Variants in HS6ST2 observed in about 807,000 individuals in gnomAD.
HS6ST2 encodes the protein heparan sulfate 6-O-sulfotransferase 2.
In HS6ST2, 17 loss-of-function variants were observed where a neutral mutation model predicts 33.0. The ratio of observed to expected loss-of-function variants is 0.52; its 90% CI spans 0.35 to 0.77. HS6ST2 has a LOEUF of 0.77. HS6ST2 is among the 30% of genes least tolerant of loss of function. HS6ST2 has a pLI of 0.01. For synonymous variants in HS6ST2, 248 were observed against 237.1 expected (o/e 1.05, Z -0.42); for missense variants, 519 against 551.7 (o/e 0.94, Z 0.59).
At chrX:132,723,157 G>A (rs1057384702) in intron 2 of HS6ST2, among the ~76,000 whole-genome samples, 25 of 111,180 alleles carry the variant, frequency 2.2e-4, no homozygotes, top group African/African-American at 8.2e-4. Context: ...CAGACCAATA[G>A]CAAGTCATGA....
chrX:132,832,932 C>T (rs1404776854), intron 2 of HS6ST2, among the ~76,000 whole-genome samples: 1 of 111,615 alleles, frequency 9.0e-6, no homozygotes, highest in South Asian at 3.8e-4. Flanking sequence ...TCATCACTCC[C>T]AGAACAAACC....
At chrX:132,837,147 T>C (rs1330882565) in intron 2 of HS6ST2, among the ~76,000 whole-genome samples, 1 of 112,032 alleles carries the variant, frequency 8.9e-6, no homozygotes, top group East Asian at 2.8e-4. Flanking sequence ...AGCAATTTAC[T>C]TGTTACTGCT....
Position 132,795,226 on chromosome X carries a change from T to C in HS6ST2, c.948-86732A>G, listed in dbSNP as rs952155514. Among the ~76,000 whole-genome samples, 3 of 112,136 alleles carry C rather than the reference T, an allele frequency of 2.7e-5. No homozygotes were observed. The Admixed American group carries it at 2.8e-4, about 11-fold the overall frequency. On this transcript the variant is annotated intron_variant, in intron 2 of 4. Transcript: ENST00000370833. ...TGCTTTCTGTTTCTATGGATTTGCC[T>C]ATTCTGATATTTCATATAAATGGAA...
chrX:132,655,012 T>C (rs1306775432), intron 4 of HS6ST2, among the ~76,000 whole-genome samples: 2 of 112,273 alleles, frequency 1.8e-5, no homozygotes, highest in African/African-American at 3.2e-5. Flanking sequence ...TTGTTCCTTG[T>C]ATTCTAGTTA....
intron 3 of HS6ST2, among the ~76,000 whole-genome samples, chrX:132,680,520 C>T (rs2063961255): frequency 9.0e-6 from 1 of 111,242 alleles, no homozygotes; most frequent in Non-Finnish European, 1.9e-5. Flanking sequence ...GTAGTTCAAA[C>T]CTTTAGAAGA....
intron 2 of HS6ST2, among the ~76,000 whole-genome samples, chrX:132,929,767 T>C (rs1388033706): frequency 9.0e-6 from 1 of 111,638 alleles, no homozygotes; most frequent in Non-Finnish European, 1.9e-5. Context: ...CAGTTATAGT[T>C]AGAAACTTCG....
At chrX:132,660,683 T>A (rs2063764893) in intron 4 of HS6ST2, among the ~76,000 whole-genome samples, 1 of 111,772 alleles carries the variant, frequency 8.9e-6, no homozygotes, top group South Asian at 3.8e-4. Flanking sequence ...CAAAATAGCA[T>A]CTTCGGAGGA....
intron 2 of HS6ST2, among the ~76,000 whole-genome samples, chrX:132,776,643 CT>C (rs376152669): frequency 1.9e-3 from 210 of 110,995 alleles, no homozygotes; most frequent in African/African-American, 6.6e-3. Context: ...CAAACCCCCC[CT>C]GCATCCTGCC....
At chrX:132,662,412 T>C (rs1422485531) in intron 4 of HS6ST2, among the ~76,000 whole-genome samples, 2 of 112,387 alleles carry the variant, frequency 1.8e-5, no homozygotes, top group Middle Eastern at 4.2e-3. Flanking sequence ...GCCTGGGAAC[T>C]GGACAGAACC....
intron 2 of HS6ST2, among the ~76,000 whole-genome samples, chrX:132,873,402 C>T (rs2066082291): frequency 9.0e-6 from 1 of 111,685 alleles, no homozygotes; most frequent in Non-Finnish European, 1.9e-5. Context: ...TTCCAGAGCC[C>T]TCCTTCCCAG....
intron 2 of HS6ST2, among the ~76,000 whole-genome samples, chrX:132,828,179 C>A: frequency 9.0e-6 from 1 of 110,927 alleles, no homozygotes; most frequent in Non-Finnish European, 1.9e-5. Flanking sequence ...CAGCCAGGAG[C>A]ATTTGGGGGT....
At chrX:132,773,904 T>C (rs2064931359) in intron 2 of HS6ST2, among the ~76,000 whole-genome samples, 1 of 111,951 alleles carries the variant, frequency 8.9e-6, no homozygotes, top group African/African-American at 3.2e-5. Context: ...TTAGTAGTGA[T>C]GGTGGCACAA....
At chrX:132,863,059 C>T (rs1009111782) in intron 2 of HS6ST2, among the ~76,000 whole-genome samples, 1 of 111,710 alleles carries the variant, frequency 9.0e-6, no homozygotes, top group African/African-American at 3.3e-5. Flanking sequence ...TGGGATCTGG[C>T]ACCCTCTGCA....
At chrX:132,735,813 G>C (rs1013779089) in intron 2 of HS6ST2, among the ~76,000 whole-genome samples, 1 of 111,914 alleles carries the variant, frequency 8.9e-6, no homozygotes, top group Non-Finnish European at 1.9e-5. Context: ...GAATTTTGCA[G>C]CACTGCAACT....
chrX:132,706,671 T>C (rs915038525), intron 3 of HS6ST2, among the ~76,000 whole-genome samples: 1 of 112,233 alleles, frequency 8.9e-6, no homozygotes, highest in African/African-American at 3.2e-5. Flanking sequence ...CAAAAATCTA[T>C]TCAGACAACT....
At chrX:132,796,821 C>T (rs927772728) in intron 2 of HS6ST2, among the ~76,000 whole-genome samples, 6 of 112,388 alleles carry the variant, frequency 5.3e-5, no homozygotes, top group Admixed American at 9.4e-5. Context: ...AGACATGCAA[C>T]GATTTTTGGA....
chrX:132,849,225 T>C (rs1391327305), intron 2 of HS6ST2, among the ~76,000 whole-genome samples: 1 of 111,533 alleles, frequency 9.0e-6, no homozygotes, highest in Non-Finnish European at 1.9e-5. Flanking sequence ...ACACAGCATA[T>C]TAACTCTCCA....
intron 4 of HS6ST2, chrX:132,667,811 C>T (rs2063820508): frequency 8.9e-6 from 1 of 112,361 alleles, no homozygotes; most frequent in Non-Finnish European, 1.9e-5. Flanking sequence ...TCCCTGTTAA[C>T]TAAGAGTGCG....
At chrX:132,786,323 C>T (rs2065060255) in intron 2 of HS6ST2, among the ~76,000 whole-genome samples, 1 of 111,482 alleles carries the variant, frequency 9.0e-6, no homozygotes, top group Non-Finnish European at 1.9e-5. Flanking sequence ...AATGCCAGGG[C>T]CAGCCTGCTT....
Sources: gnomAD v4.1 joint callset for allele counts (sites outside exome capture counted in the v4.1 genomes callset) on GRCh38, gnomAD v4.1.1 for gene constraint, MANE v1.5 for transcripts, NCBI Gene and HGNC (gene_info 2026-07-23, HGNC 2026-07-21) for gene names.